The following PNO1 variants were observed in gnomAD, a reference collection of about 807,000 sequenced individuals.
PNO1 encodes the protein partner of NOB1 homolog, also known as RNA-binding protein PNO1.
A neutral mutation model predicts 28.4 loss-of-function variants in PNO1; 16 were observed. The ratio of observed to expected loss-of-function variants is 0.56; its 90% confidence interval spans 0.38 to 0.85. PNO1 has a LOEUF of 0.85. Among genes scored for constraint, PNO1 ranks in the 40% least tolerant of loss-of-function variants. The pLI, the probability that PNO1 is intolerant of heterozygous loss-of-function variation, is 0.00. For missense variants in PNO1, 304 were observed against 312.2 expected (o/e 0.97, Z 0.20); for synonymous variants, 115 against 110.8 (o/e 1.04, Z -0.24).
intron 3 of PNO1, 106 bp downstream of exon 3, chr2:68,161,872 C>T: frequency 1.4e-6 from 1 of 731,774 alleles, no homozygotes; most frequent in Non-Finnish European, 2.3e-6. Flanking sequence ...CAGTGGCTCA[C>T]ACCTGTAATC....
intron 5 of PNO1, among the ~76,000 whole-genome samples, chr2:68,169,045 C>CAG (rs1292771349): frequency 6.7e-6 from 1 of 150,362 alleles, no homozygotes; most frequent in Admixed American, 6.7e-5. Flanking sequence ...TCTCCTGCCT[C>CAG]AGCCTCCTGA....
At chr2:68,164,101 A>G (rs1307998326) in intron 5 of PNO1, among the ~76,000 whole-genome samples, 1 of 152,206 alleles carries the variant, frequency 6.6e-6, no homozygotes, top group Non-Finnish European at 1.5e-5. Flanking sequence ...GCATATAATT[A>G]TATTGTTTGA....
intron 5 of PNO1, among the ~76,000 whole-genome samples, chr2:68,169,233 C>A (rs1453018259): frequency 6.6e-6 from 1 of 151,920 alleles, no homozygotes; most frequent in Admixed American, 6.6e-5. Context: ...CTGGCCAGTT[C>A]AGCTTTTTCT....
intron 5 of PNO1, 134 bp downstream of exon 5, chr2:68,162,797 C>G (rs745734506): frequency 1.5e-6 from 1 of 674,624 alleles, no homozygotes; most frequent in Non-Finnish European, 2.7e-6. Flanking sequence ...CCTCATAAAT[C>G]CATCATAAAT....
At position 68,162,600 on chromosome 2, in the gene PNO1, A is replaced by G. The variant is rs780306272; in HGVS notation, c.557A>G (p.Lys186Arg). The G allele has an allele frequency of 6.2e-7, 1 of 1,614,050 alleles. No individual in the cohort carries two copies. Among genetic ancestry groups the G allele is most frequent in the Non-Finnish European group, 8.5e-7 (1 of 1,179,930 alleles). Residue 186 changes from lysine (K) to arginine (R), a missense_variant, in exon 5 of 7, where the codon AAA becomes AGA. By Grantham distance (26) the Lys-to-Arg change is conservative (BLOSUM62 2). Coordinates refer to ENST00000263657, the MANE Select transcript of PNO1 (RefSeq NM_020143.4). ...AGGGCAATAGGAAGAATCGCTGGCA[A>G]AGGAGGAAAAACCAAATTCACCATA... Reference protein sequence around the residue: ...LSRAIGRIAGKGGKTKFTIEN... With the variant: ...LSRAIGRIAGRGGKTKFTIEN...
intron 2 of PNO1, chr2:68,161,370 T>C (rs1179962732): frequency 4.3e-6 from 2 of 467,278 alleles, no homozygotes; most frequent in Admixed American, 2.6e-5. Flanking sequence ...AAGGTAGAGG[T>C]TCTTCAGAAT....
rs774681270 is a variant in PNO1, at chr2:68,162,680, GAGAAAATTATTGTCATAATTTATATTTGA to G, written c.620+18_620+46del. On this transcript the variant is annotated intron_variant, in intron 5 of 6. Coordinates refer to ENST00000263657, the MANE Select transcript of PNO1 (RefSeq NM_020143.4). ...GGCTGATGTGTAAGTATCTGATCTT[GAGAAAATTATTGTCATAATTTATATTTGA>G]TCTTTTGTTTTAAGAAAGTCATAAC... 7.2e-7 allele frequency: 1 copy of G among 1,379,678 alleles called. No homozygotes were observed. Among genetic ancestry groups the G allele is most frequent in the Non-Finnish European group, 1.0e-6 (1 of 967,140 alleles). The allele number at this position is 1,379,678 out of a possible 1,614,324, so 85.5% of individuals were successfully genotyped here.
chr2:68,165,926 T>G (rs561912480), intron 5 of PNO1, among the ~76,000 whole-genome samples: 1 of 152,254 alleles, frequency 6.6e-6, no homozygotes, highest in African/African-American at 2.4e-5. Flanking sequence ...ATGACACTCA[T>G]ACAGTTCTCT....
At chr2:68,158,217 T>C (rs1572934424) in intron 1 of PNO1, 76 bp downstream of exon 1, 1 of 1,458,414 alleles carries the variant, frequency 6.9e-7, no homozygotes, top group African/African-American at 1.4e-5. Flanking sequence ...CTGGAGAATG[T>C]TGAAGCTGCG....
chr2:68,158,591 G>GCCTTTT, intron 2 of PNO1, 62 bp downstream of exon 2: 2 of 1,387,088 alleles, frequency 1.4e-6, no homozygotes, highest in Non-Finnish European at 2.0e-6. Context: ...AGATGAAAAG[G>GCCTTTT]CATGAATAGG....
rs929079068 is a variant in PNO1 at position 68,175,975 on chromosome 2, T to C, written c.*1173T>C. On this transcript the variant is annotated 3_prime_UTR_variant, in exon 7 of 7. Transcript: ENST00000263657. ...TCTCATGTAATTTTTGAAGATTACATTGAAAGTGAAAAACAGAATGGTTGG... is the reference window on the plus strand; with the variant it reads ...TCTCATGTAATTTTTGAAGATTACACTGAAAGTGAAAAACAGAATGGTTGG... 3.3e-5 allele frequency: 5 copies of C among 152,202 alleles called. No individual in the cohort carries two copies. The highest frequency in any genetic ancestry group is 9.6e-5 in the African/African-American group (4 of 41,454). 9.4% of individuals were successfully genotyped at this position (152,202 alleles called of 1,614,324 possible). A position where few individuals can be genotyped will look rare whatever the true frequency, so the allele number is the denominator to read the frequency against.
chr2:68,166,617 T>G (rs1014368922), intron 5 of PNO1, among the ~76,000 whole-genome samples: 2 of 152,216 alleles, frequency 1.3e-5, no homozygotes, highest in African/African-American at 4.8e-5. Context: ...AATTTCTGAC[T>G]TTTTTGCCCT....
chr2:68,163,315 T>A (rs1673885089), intron 5 of PNO1, among the ~76,000 whole-genome samples: 1 of 152,126 alleles, frequency 6.6e-6, no homozygotes, highest in African/African-American at 2.4e-5. Flanking sequence ...GCGGATCACC[T>A]AAGGTCAGGA....
In PNO1 at chr2:68,175,545, G is replaced by A. The variant is rs373052575; in HGVS notation, c.*743G>A. On this transcript the variant is annotated 3_prime_UTR_variant, in exon 7 of 7. Coordinates refer to ENST00000263657, the MANE Select transcript of PNO1 (RefSeq NM_020143.4). ...CAAAGTGCTGGGATTACAGGCATAAGCCACTGCGCCTGGCCTTGATGTGTG... is the reference window on the plus strand; with the variant it reads ...CAAAGTGCTGGGATTACAGGCATAAACCACTGCGCCTGGCCTTGATGTGTG... 1 of 152,434 alleles carries A rather than the reference G, an allele frequency of 6.6e-6. No individual in the cohort carries two copies. Among genetic ancestry groups the A allele is most frequent in the African/African-American group, 2.4e-5 (1 of 41,456 alleles). 9.4% of individuals were successfully genotyped at this position (152,434 alleles called of 1,614,324 possible). A position where few individuals can be genotyped will look rare whatever the true frequency, so the allele number is the denominator to read the frequency against.
intron 5 of PNO1, among the ~76,000 whole-genome samples, chr2:68,172,143 C>T (rs759380443): frequency 3.3e-5 from 5 of 152,114 alleles, no homozygotes; most frequent in Non-Finnish European, 7.4e-5. Flanking sequence ...TTGACATGAT[C>T]GAGCATGGTG....
intron 6 of PNO1, 93 bp downstream of exon 6, chr2:68,173,510 AAT>A: frequency 1.3e-6 from 1 of 754,980 alleles, no homozygotes; most frequent in East Asian, 2.7e-5. Context: ...AATTTAGGGT[AAT>A]ATTAAAGATC....
In PNO1 at chr2:68,174,876, A is replaced by T; in HGVS notation, c.*74A>T. ...ACTTTACAGTGGTCGGTCACAAGAAACCAGCTGAACAATTTCAGTCATTTG... is the reference window on the plus strand; with the variant it reads ...ACTTTACAGTGGTCGGTCACAAGAATCCAGCTGAACAATTTCAGTCATTTG... On this transcript the variant is annotated 3_prime_UTR_variant, in exon 7 of 7. Transcript: ENST00000263657. 2 of 913,372 alleles carry T rather than the reference A, an allele frequency of 2.2e-6. No homozygotes were observed. The highest frequency in any genetic ancestry group is 3.9e-5 in the Admixed American group (2 of 50,848). 56.6% of individuals were successfully genotyped at this position (913,372 alleles called of 1,614,324 possible). A position where few individuals can be genotyped will look rare whatever the true frequency, so the allele number is the denominator to read the frequency against.
At chr2:68,164,326 C>CA (rs1386704609) in intron 5 of PNO1, among the ~76,000 whole-genome samples, 5 of 151,192 alleles carry the variant, frequency 3.3e-5, no homozygotes, top group East Asian at 2.0e-4. Context: ...CCCTTCTCTA[C>CA]AAAAAAATAC....
At chr2:68,163,577 ATACATACT>A (rs1330152167) in intron 5 of PNO1, among the ~76,000 whole-genome samples, 1 of 150,644 alleles carries the variant, frequency 6.6e-6, no homozygotes, top group African/African-American at 2.5e-5. Context: ...ACATACATAC[ATACATACT>A]TACTCAAGGG....
Sources: allele counts gnomAD v4.1 joint callset (sites outside exome capture counted in the v4.1 genomes callset), GRCh38; gene constraint gnomAD v4.1.1; transcripts MANE v1.5; gene names NCBI Gene and HGNC (gene_info 2026-07-23, HGNC 2026-07-21).